Variants in VPS13B observed in about 807,000 individuals in gnomAD.
VPS13B encodes vacuolar protein sorting 13 homolog B.
A neutral mutation model predicts 426.4 loss-of-function variants in VPS13B; 285 were observed. The observed-to-expected ratio is 0.67, with a 90% confidence interval of 0.61 to 0.74. The LOEUF (loss-of-function observed/expected upper bound fraction) is 0.74. VPS13B is among the 30% of genes least tolerant of loss of function. The probability of loss-of-function intolerance (pLI) is 0.00; values close to 1 mark genes in which losing one functional copy is unlikely to be tolerated. For missense variants in VPS13B, 4,537 were observed against 4,782.6 expected (o/e 0.95, Z 1.51); for synonymous variants, 1,676 against 1,676.4 (o/e 1.00, Z 0.01).
intron 25 of VPS13B, among the ~76,000 whole-genome samples, chr8:99,483,379 C>T: frequency 6.6e-6 from 1 of 152,080 alleles, no homozygotes; most frequent in East Asian, 1.9e-4. Flanking sequence ...GCAGTGAATT[C>T]TTTCTTGAAG....
intron 8 of VPS13B, among the ~76,000 whole-genome samples, chr8:99,123,143 A>G (rs895459384): frequency 6.6e-6 from 1 of 150,864 alleles, no homozygotes; most frequent in Admixed American, 6.6e-5. Flanking sequence ...AAAAAAAAAA[A>G]AAGAAAGAAA....
At chr8:99,689,225 T>C (rs1831544041) in intron 35 of VPS13B, among the ~76,000 whole-genome samples, 2 of 151,468 alleles carry the variant, frequency 1.3e-5, no homozygotes, top group South Asian at 4.1e-4. Flanking sequence ...TCATCACAAC[T>C]GGGAACCATA....
chr8:99,486,736 C>T lies in VPS13B; in HGVS notation c.3870+4934C>T, dbSNP rs1044412201. Reference sequence around the variant, plus strand: ...TGAGTGTTTAAACACCATTGCTCAACCCCTCGACCCTTATCTGAGTTTGAT... The same window carrying T: ...TGAGTGTTTAAACACCATTGCTCAATCCCTCGACCCTTATCTGAGTTTGAT... On this transcript the variant is annotated intron_variant, in intron 25 of 61. Coordinates refer to ENST00000357162, the MANE Select transcript of VPS13B (RefSeq NM_152564.5). Among the ~76,000 whole-genome samples the T allele has an allele frequency of 2.6e-5, 4 of 152,304 alleles. 1 individual carries two copies. The highest frequency in any genetic ancestry group is 2.6e-4 in the Admixed American group (4 of 15,300).
Position 99,766,779 on chromosome 8 carries a change from T to A in VPS13B, c.7056T>A (p.Pro2352=). ...TTTTTTTTATTTTAACATAGGTTCC[T>A]TGTAGCTTGGAATACTGGGATGAAC... ...TADLGDVLQV[P]CSLEYWDELQ... Residue 2352 remains proline, a synonymous_variant, in exon 40 of 62, where the codon CCT becomes CCA. Coordinates refer to ENST00000357162, the MANE Select transcript of VPS13B (RefSeq NM_152564.5). 1 of 1,613,496 alleles carries A rather than the reference T, an allele frequency of 6.2e-7. No homozygotes were observed. Among genetic ancestry groups the A allele is most frequent in the Non-Finnish European group, 8.5e-7 (1 of 1,179,846 alleles).
At chr8:99,492,591 C>T (rs1007262738) in intron 25 of VPS13B, among the ~76,000 whole-genome samples, 4 of 152,164 alleles carry the variant, frequency 2.6e-5, no homozygotes, top group South Asian at 4.1e-4. Flanking sequence ...CCCCTCTCCC[C>T]GCCAGGCTCC....
chr8:99,228,631 T>A (rs1340329437), intron 17 of VPS13B, among the ~76,000 whole-genome samples: 6 of 151,756 alleles, frequency 4.0e-5, no homozygotes, highest in Non-Finnish European at 8.8e-5. Flanking sequence ...TTTTAAAGTT[T>A]TTTTTTTTAA....
intron 39 of VPS13B, among the ~76,000 whole-genome samples, chr8:99,724,499 TC>T (rs982282019): frequency 3.3e-5 from 5 of 152,056 alleles, no homozygotes; most frequent in African/African-American, 1.2e-4. Flanking sequence ...TGCCACTGTC[TC>T]CCCACCCCCC....
intron 17 of VPS13B, among the ~76,000 whole-genome samples, chr8:99,207,278 C>T (rs1352237549): frequency 6.6e-6 from 1 of 151,986 alleles, no homozygotes; most frequent in Non-Finnish European, 1.5e-5. Flanking sequence ...AATGACTTTG[C>T]ACAGTAGGAT....
chr8:99,720,836 A>T, intron 38 of VPS13B, 27 bp from the exon 39 acceptor site: 2 of 1,586,812 alleles, frequency 1.3e-6, no homozygotes, highest in Non-Finnish European at 8.6e-7. Flanking sequence ...TTTAAATCAT[A>T]CAATTAATTA....
At chr8:99,488,402 T>C (rs1211120573) in intron 25 of VPS13B, among the ~76,000 whole-genome samples, 1 of 152,098 alleles carries the variant, frequency 6.6e-6, no homozygotes, top group African/African-American at 2.4e-5. Flanking sequence ...GTTTTTTTTT[T>C]CCTCCTGGGG....
At chr8:99,407,845 GT>G (rs1264003132) in intron 21 of VPS13B, among the ~76,000 whole-genome samples, 1 of 152,086 alleles carries the variant, frequency 6.6e-6, no homozygotes, top group Non-Finnish European at 1.5e-5. Context: ...AGATTCAGAA[GT>G]TGGCATCTGT....
intron 34 of VPS13B, among the ~76,000 whole-genome samples, chr8:99,654,870 A>C (rs1372074594): frequency 3.3e-5 from 5 of 152,102 alleles, no homozygotes; most frequent in Admixed American, 3.3e-4. Context: ...AAAAAAAAAA[A>C]AAACTGTCTA....
chr8:99,274,541 A>G (rs1319267804), intron 18 of VPS13B, among the ~76,000 whole-genome samples: 1 of 117,754 alleles, frequency 8.5e-6, no homozygotes, highest in Non-Finnish European at 1.9e-5. Context: ...ACTTAGTTTT[A>G]TGAATGGTTA....
intron 43 of VPS13B, among the ~76,000 whole-genome samples, chr8:99,802,527 G>A (rs1273534786): frequency 6.6e-6 from 1 of 152,064 alleles, no homozygotes; most frequent in East Asian, 1.9e-4. Context: ...GAAATTACCT[G>A]AGGAAGCACA....
chr8:99,028,268 C>G (rs1465838191), intron 2 of VPS13B, among the ~76,000 whole-genome samples: 2 of 151,756 alleles, frequency 1.3e-5, no homozygotes, highest in Non-Finnish European at 2.9e-5. Context: ...AGAGGGGCTC[C>G]TCACTTCCCA....
intron 36 of VPS13B, among the ~76,000 whole-genome samples, chr8:99,708,507 C>A (rs1048043349): frequency 2.0e-5 from 3 of 152,104 alleles, no homozygotes; most frequent in Non-Finnish European, 2.9e-5. Context: ...TATGTCCAAA[C>A]AAAGAGGTTT....
At chr8:99,674,063 G>T (rs776743810) in intron 35 of VPS13B, among the ~76,000 whole-genome samples, 10 of 152,028 alleles carry the variant, frequency 6.6e-5, no homozygotes, top group Non-Finnish European at 1.5e-4. Context: ...GAATTCTGCA[G>T]CTTTTGGATG....
At chr8:99,477,605 A>G (rs931756937) in intron 24 of VPS13B, among the ~76,000 whole-genome samples, 1 of 152,222 alleles carries the variant, frequency 6.6e-6, no homozygotes, top group African/African-American at 2.4e-5. Flanking sequence ...ATCCATTAGG[A>G]TGACATCAGA....
chr8:99,558,910 T>C (rs1824738566), intron 31 of VPS13B, among the ~76,000 whole-genome samples: 1 of 152,224 alleles, frequency 6.6e-6, no homozygotes, highest in Non-Finnish European at 1.5e-5. Context: ...TTTATAATCC[T>C]TTGGGTATAT....
Sources: gnomAD v4.1 joint callset for allele counts (sites outside exome capture counted in the v4.1 genomes callset) on GRCh38, gnomAD v4.1.1 for gene constraint, MANE v1.5 for transcripts, NCBI Gene and HGNC (gene_info 2026-07-23, HGNC 2026-07-21) for gene names.